CACNB2: variants seen among roughly 807,000 people sequenced by gnomAD.
CACNB2 encodes the protein voltage-dependent L-type calcium channel subunit beta-2.
Under a neutral mutation model 73.3 loss-of-function variants are expected in CACNB2, and 42 were observed. The ratio of observed to expected loss-of-function variants is 0.57; its 90% CI spans 0.45 to 0.74. CACNB2 has a LOEUF of 0.74. Among genes scored for constraint, CACNB2 ranks in the 30% least tolerant of loss-of-function variants. The pLI, the probability that CACNB2 is intolerant of heterozygous loss-of-function variation, is 0.00. For synonymous variants in CACNB2, 348 were observed against 310.3 expected, an observed-to-expected ratio of 1.12 and a Z score of -1.28; for missense variants, 940 against 853.0, an observed-to-expected ratio of 1.10 and a Z score of -1.27.
chr10:18,178,464 A>G (rs146358431), intron 2 of CACNB2, among the ~76,000 whole-genome samples: 2 of 152,354 alleles, frequency 1.3e-5, no homozygotes, highest in East Asian at 1.9e-4. Context: ...TCATACAGAG[A>G]TTAATCAGAT....
chr10:18,424,004 A>G (rs145455216), intron 3 of CACNB2, among the ~76,000 whole-genome samples: 1 of 152,230 alleles, frequency 6.6e-6, no homozygotes, highest in East Asian at 1.9e-4. Context: ...GAAAAATTAA[A>G]TAATATATAA....
At chr10:18,306,686 C>T (rs2039741723) in intron 2 of CACNB2, among the ~76,000 whole-genome samples, 1 of 152,092 alleles carries the variant, frequency 6.6e-6, no homozygotes, top group African/African-American at 2.4e-5. Context: ...GGGTTAGTAG[C>T]TAGGAGCCAA....
Position 18,540,083 on chromosome 10 carries a change from A to AAAG in CACNB2, c.*360_*362dup, listed in dbSNP as rs1170388258. The AAAG allele has an allele frequency of 4.9e-6, 1 of 203,576 alleles. No homozygotes were observed. The highest frequency in any genetic ancestry group is 2.3e-5 in the African/African-American group (1 of 42,694). 12.6% of individuals were successfully genotyped at this position (203,576 alleles called of 1,614,324 possible). A position where few individuals can be genotyped will look rare whatever the true frequency, so the allele number is the denominator to read the frequency against. ...AACAAGCCAGAATCAGCACAGATAA[A>AAAG]AAGTGGAATTTCTTGTTTCTCCAGA... is the stretch of plus-strand genomic sequence containing the variant. On this transcript the variant is annotated 3_prime_UTR_variant, in exon 14 of 14. Transcript: ENST00000324631.
At chr10:18,262,222 T>C (rs1165596351) in intron 2 of CACNB2, among the ~76,000 whole-genome samples, 3 of 150,444 alleles carry the variant, frequency 2.0e-5, no homozygotes, top group Admixed American at 6.7e-5. Flanking sequence ...CCTTGGAAAA[T>C]TGGCCACAGA....
At chr10:18,227,882 A>G (rs913628766) in intron 2 of CACNB2, among the ~76,000 whole-genome samples, 11 of 152,244 alleles carry the variant, frequency 7.2e-5, no homozygotes, top group African/African-American at 2.7e-4. Flanking sequence ...CAACATGGTG[A>G]ATTAACATCC....
chr10:18,310,708 T>G (rs1179085870), intron 2 of CACNB2, among the ~76,000 whole-genome samples: 2 of 149,164 alleles, frequency 1.3e-5, no homozygotes, highest in East Asian at 4.0e-4. Flanking sequence ...GCCTCCCTAG[T>G]AGCTGGGATT....
chr10:18,183,470 T>G (rs572640815), intron 2 of CACNB2, among the ~76,000 whole-genome samples: 63 of 152,328 alleles, frequency 4.1e-4, no homozygotes, highest in South Asian at 1.0e-3. Context: ...GAGGTTTAAT[T>G]GACTCCCAGT....
chr10:18,504,940 C>T (rs1012981500), intron 5 of CACNB2, among the ~76,000 whole-genome samples: 1 of 152,156 alleles, frequency 6.6e-6, no homozygotes, highest in East Asian at 1.9e-4. Flanking sequence ...CCACCGTGCC[C>T]GGCCTCTCCT....
At chr10:18,500,723 C>G (rs1254919162) in intron 4 of CACNB2, 89 bp from the exon 5 acceptor site, 3 of 1,306,848 alleles carry the variant, frequency 2.3e-6, no homozygotes, top group Non-Finnish European at 3.3e-6. Flanking sequence ...ATGGTCATTG[C>G]CATATTTCTC....
chr10:18,205,085 T>G (rs1238734789), intron 2 of CACNB2, among the ~76,000 whole-genome samples: 1 of 71,474 alleles, frequency 1.4e-5, no homozygotes, highest in East Asian at 2.5e-4. Flanking sequence ...TTGAGGGTTT[T>G]TAAAAAAAAA....
At chr10:18,420,328 CACAG>C (rs776517046) in intron 3 of CACNB2, among the ~76,000 whole-genome samples, 124 of 128,786 alleles carry the variant, frequency 9.6e-4, no homozygotes, top group Admixed American at 2.9e-3. Flanking sequence ...CACACACACA[CACAG>C]AGAGAGAGAG....
At chr10:18,527,499 C>T in intron 9 of CACNB2, 89 bp from the exon 10 acceptor site, 2 of 812,310 alleles carry the variant, frequency 2.5e-6, no homozygotes, top group South Asian at 2.7e-5. Flanking sequence ...ATATATATTT[C>T]ATACTTAGAT....
intron 2 of CACNB2, among the ~76,000 whole-genome samples, chr10:18,362,815 A>C (rs112192284): frequency 0.033 from 4,947 of 152,214 alleles, 121 homozygotes; most frequent in African/African-American, 0.058. Flanking sequence ...GGCTGAGGAG[A>C]GAGAATCACT....
At chr10:18,391,925 CAAAAAAAA>C (rs34698093) in intron 2 of CACNB2, among the ~76,000 whole-genome samples, 3 of 84,618 alleles carry the variant, frequency 3.5e-5, no homozygotes, top group African/African-American at 1.4e-4. Flanking sequence ...AAGACCCTGT[CAAAAAAAA>C]AAAAAAAAAA....
At chr10:18,244,494 A>G (rs2036785883) in intron 2 of CACNB2, among the ~76,000 whole-genome samples, 1 of 152,236 alleles carries the variant, frequency 6.6e-6, no homozygotes, top group South Asian at 2.1e-4. Flanking sequence ...GAAGCATAAT[A>G]CTGATTCTTG....
chr10:18,366,279 C>G (rs1215140854), intron 2 of CACNB2, among the ~76,000 whole-genome samples: 1 of 151,272 alleles, frequency 6.6e-6, no homozygotes. Flanking sequence ...TCCTGGCTAA[C>G]ACGGTGAAAC....
intron 2 of CACNB2, among the ~76,000 whole-genome samples, chr10:18,366,271 C>T (rs1310531945): frequency 2.0e-5 from 3 of 151,162 alleles, no homozygotes; most frequent in Non-Finnish European, 2.9e-5. Flanking sequence ...CGAGACCATC[C>T]TGGCTAACAC....
At chr10:18,489,783 C>G (rs2049302018) in intron 3 of CACNB2, among the ~76,000 whole-genome samples, 1 of 152,188 alleles carries the variant, frequency 6.6e-6, no homozygotes, top group Non-Finnish European at 1.5e-5. Context: ...ATATGAATTT[C>G]TTAACATCTC....
intron 2 of CACNB2, among the ~76,000 whole-genome samples, chr10:18,317,412 C>A (rs1465412372): frequency 3.9e-5 from 6 of 152,108 alleles, no homozygotes; most frequent in Admixed American, 6.5e-5. Flanking sequence ...TTTTGGGACT[C>A]CAGTGTTCAT....
Sources: gnomAD v4.1 joint callset for allele counts (sites outside exome capture counted in the v4.1 genomes callset) on GRCh38, gnomAD v4.1.1 for gene constraint, MANE v1.5 for transcripts, NCBI Gene and HGNC (gene_info 2026-07-23, HGNC 2026-07-21) for gene names.